The following NKD1 variants were observed in gnomAD, a reference collection of about 807,000 sequenced individuals.
NKD1 encodes protein naked cuticle homolog 1.
NKD1 carries 21 observed loss-of-function variants against 56.0 expected under a neutral mutation model. That is an observed-to-expected ratio of 0.38 (90% CI 0.27 to 0.54). The LOEUF is 0.54. NKD1 is among the 20% of genes least tolerant of loss of function. The pLI, the probability that NKD1 is intolerant of heterozygous loss-of-function variation, is 0.82. For synonymous variants in NKD1, 263 were observed against 265.7 expected (o/e 0.99, Z 0.10); for missense variants, 578 against 642.7 (o/e 0.90, Z 1.09).
intron 3 of NKD1, among the ~76,000 whole-genome samples, chr16:50,567,717 C>G (rs1260264597): frequency 1.3e-5 from 2 of 152,232 alleles, no homozygotes; most frequent in African/African-American, 4.8e-5. Flanking sequence ...GGCTCCGCTA[C>G]CTGCCTGGCT....
intron 3 of NKD1, among the ~76,000 whole-genome samples, chr16:50,600,150 A>G (rs570839138): frequency 2.0e-5 from 3 of 152,144 alleles, no homozygotes; most frequent in Non-Finnish European, 2.9e-5. Flanking sequence ...TTGATGTCCT[A>G]TTGAGGGGTT....
intron 8 of NKD1, among the ~76,000 whole-genome samples, chr16:50,631,140 G>C (rs1407666574): frequency 6.6e-6 from 1 of 152,198 alleles, no homozygotes; most frequent in African/African-American, 2.4e-5. Context: ...AGCATTTTTT[G>C]GGCTTTGGAA....
chr16:50,591,003 A>G (rs1336977705), intron 3 of NKD1, among the ~76,000 whole-genome samples: 1 of 151,026 alleles, frequency 6.6e-6, no homozygotes, highest in Admixed American at 6.6e-5. Flanking sequence ...TTTTTTTTTC[A>G]GTAGAGACGG....
At chr16:50,565,113 T>C (rs187552412) in intron 3 of NKD1, among the ~76,000 whole-genome samples, 58 of 152,298 alleles carry the variant, frequency 3.8e-4, no homozygotes, top group South Asian at 1.2e-3. Flanking sequence ...TGGTGGCTCA[T>C]GCCTGTAATC....
At chr16:50,550,396 T>C (rs2151260917) in intron 3 of NKD1, among the ~76,000 whole-genome samples, 1 of 151,376 alleles carries the variant, frequency 6.6e-6, no homozygotes, top group African/African-American at 2.4e-5. Flanking sequence ...ATAGACTGAG[T>C]CTCAGGTCTG....
At chr16:50,627,685 C>G (rs1265420365) in intron 6 of NKD1, among the ~76,000 whole-genome samples, 2 of 152,220 alleles carry the variant, frequency 1.3e-5, no homozygotes, top group African/African-American at 4.8e-5. Context: ...AGAAAGAAGA[C>G]CTGCTCCCCC....
Position 50,623,357 on chromosome 16 carries a change from G to A in NKD1, c.366+1649G>A, listed in dbSNP as rs1052203868. ...AGAGGCTTGAAGGCTCGCCTGAGGA[G>A]GATAGGTAGTATCTAGTAGGAGTTA... On this transcript the variant is annotated intron_variant, in intron 5 of 9. Coordinates refer to ENST00000268459, the MANE Select transcript of NKD1 (RefSeq NM_033119.5). This position sits in a 1 kb window ranked among gnomAD's most constrained non-coding sequence, Gnocchi z 4.1. Among the ~76,000 whole-genome samples the A allele has an allele frequency of 3.3e-5, 5 of 152,140 alleles. No individual in the cohort carries two copies. The East Asian group carries it at 9.7e-4, about 29-fold the overall frequency.
Position 50,632,370 on chromosome 16 carries a change from T to A in NKD1, c.785T>A (p.Leu262His), listed in dbSNP as rs764267788. 1.9e-6 allele frequency: 3 copies of A among 1,614,096 alleles called. No individual in the cohort carries two copies. In the Admixed American group the frequency reaches 5.0e-5, roughly 27 times the overall value. Reference protein sequence around the residue: ...NIERRNHYLDLAGIENYTSQF... With the variant: ...NIERRNHYLDHAGIENYTSQF... ...GAGAGGAGAAACCACTACTTAGATC[T>A]CGCCGGGATAGAAAACTACACGTCC... The change falls in exon 9 of 10, where the codon CTC becomes CAC. Residue 262 changes from leucine (L) to histidine (H), a missense_variant. Coordinates refer to ENST00000268459, the MANE Select transcript of NKD1 (RefSeq NM_033119.5). The surrounding 1 kb of genome is among the most constrained non-coding windows in gnomAD (Gnocchi z 4.1).
chr16:50,568,223 T>A (rs1960805243), intron 3 of NKD1, among the ~76,000 whole-genome samples: 1 of 152,122 alleles, frequency 6.6e-6, no homozygotes, highest in African/African-American at 2.4e-5. Context: ...CTCTGGGGAT[T>A]TGGGGCTTAT....
chr16:50,573,251 A>G (rs760421298), intron 3 of NKD1, among the ~76,000 whole-genome samples: 21 of 152,180 alleles, frequency 1.4e-4, no homozygotes, highest in Admixed American at 1.2e-3. Context: ...GCACCACACA[A>G]TCTCAATCCC....
At chr16:50,591,089 C>T (rs1427993332) in intron 3 of NKD1, among the ~76,000 whole-genome samples, 2 of 152,188 alleles carry the variant, frequency 1.3e-5, no homozygotes, top group African/African-American at 2.4e-5. Context: ...TCCCAAAGTG[C>T]TGGTATTACA....
At chr16:50,621,509 C>T (rs1437562614) in intron 4 of NKD1, 93 bp from the exon 5 acceptor site, 2 of 858,196 alleles carry the variant, frequency 2.3e-6, no homozygotes, top group African/African-American at 1.7e-5. Flanking sequence ...GCGAGAATGT[C>T]CAGGCCAGGC....
At chr16:50,581,556 C>A (rs1008382066) in intron 3 of NKD1, among the ~76,000 whole-genome samples, 1 of 152,264 alleles carries the variant, frequency 6.6e-6, no homozygotes, top group Non-Finnish European at 1.5e-5. Context: ...AAGATGCAGA[C>A]TTTCCCTTTG....
chr16:50,606,767 G>GT, intron 3 of NKD1: 1 of 456,320 alleles, frequency 2.2e-6, no homozygotes, highest in South Asian at 1.5e-5. Context: ...GCATGAAGAG[G>GT]TGCGCAGATT....
At chr16:50,609,538 A>G (rs1166783242) in intron 4 of NKD1, among the ~76,000 whole-genome samples, 1 of 152,162 alleles carries the variant, frequency 6.6e-6, no homozygotes, top group Non-Finnish European at 1.5e-5. Context: ...CCACAAGAGG[A>G]GAGCAGACAG....
Position 50,632,946 on chromosome 16 carries a change from ATC to A in NKD1, c.824-244_824-243del, listed in dbSNP as rs1962378205. 1.3e-5 allele frequency among the ~76,000 whole-genome samples: 2 copies of A among 152,042 alleles called. No individual in the cohort carries two copies. Among genetic ancestry groups the A allele is most frequent in the Non-Finnish European group, 2.9e-5 (2 of 68,012 alleles). On this transcript the variant is annotated intron_variant, in intron 9 of 9. Coordinates refer to ENST00000268459, the MANE Select transcript of NKD1 (RefSeq NM_033119.5). The surrounding 1 kb of genome is among the most constrained non-coding windows in gnomAD (Gnocchi z 4.1). The stretch of plus-strand genomic sequence containing the variant: ...GATAGTTTTCGGGGTCTCTGCTGCC[ATC>A]TGTCTTTCTCGGCTCCCTCTCGGAG...
At chr16:50,611,213 T>G (rs1010763304) in intron 4 of NKD1, among the ~76,000 whole-genome samples, 2 of 151,914 alleles carry the variant, frequency 1.3e-5, no homozygotes, top group African/African-American at 4.8e-5. Context: ...TCTCTCCAGG[T>G]CCCCCCTGCC....
At chr16:50,582,689 G>A (rs1961142625) in intron 3 of NKD1, among the ~76,000 whole-genome samples, 1 of 152,262 alleles carries the variant, frequency 6.6e-6, no homozygotes, top group Non-Finnish European at 1.5e-5. Flanking sequence ...TCCCAGGCCT[G>A]CTGCCCAGTG....
chr16:50,611,166 G>A (rs1961838082), intron 4 of NKD1, among the ~76,000 whole-genome samples: 1 of 152,204 alleles, frequency 6.6e-6, no homozygotes, highest in Admixed American at 6.5e-5. Flanking sequence ...GTCTGAGGGT[G>A]CTGCAGCCAC....
Sources: allele counts gnomAD v4.1 joint callset (sites outside exome capture counted in the v4.1 genomes callset), GRCh38; gene constraint gnomAD v4.1.1; non-coding constraint Gnocchi (gnomAD v3.1); transcripts MANE v1.5; gene names NCBI Gene and HGNC (gene_info 2026-07-23, HGNC 2026-07-21).